The following ZFAND2A variants were observed in gnomAD, a reference collection of about 807,000 sequenced individuals.
ZFAND2A encodes the protein AN1-type zinc finger protein 2A.
ZFAND2A carries 20 observed loss-of-function variants against 11.6 expected under a neutral mutation model. The ratio of observed to expected loss-of-function variants is 1.72; its 90% CI spans 1.21 to 2.50. The LOEUF is 2.50. Among genes scored for constraint, ZFAND2A ranks in the 30% most tolerant of loss-of-function variants. The pLI, the probability that ZFAND2A is intolerant of heterozygous loss-of-function variation, is 0.00. For missense variants in ZFAND2A, 234 were observed against 182.9 expected (o/e 1.28, Z -1.61); for synonymous variants, 93 against 60.6 (o/e 1.54, Z -2.48).
At chr7:1,155,697 C>T (rs912464887) in intron 3 of ZFAND2A, 113 bp from the exon 4 acceptor site, 30 of 1,401,886 alleles carry the variant, frequency 2.1e-5, no homozygotes, top group East Asian at 1.3e-4. Context: ...GGACAAAAAC[C>T]GGTCTCCCGA....
rs369519807 is a variant in ZFAND2A, at chr7:1,153,239, T to G, written c.283-15A>C. On this transcript the variant is annotated splice_polypyrimidine_tract_variant and intron_variant, in intron 4 of 4. Coordinates refer to ENST00000316495, the MANE Select transcript of ZFAND2A (RefSeq NM_182491.4). ...TATGTAAAAATCTAAGAGAGCAAAG[T>G]GACTTCAACAAGCAATTCTTTTTTT... 1 of 1,606,576 alleles carries G rather than the reference T, an allele frequency of 6.2e-7. No homozygotes were observed.
chr7:1,155,660 T>C, intron 3 of ZFAND2A, 76 bp from the exon 4 acceptor site: 2 of 1,491,104 alleles, frequency 1.3e-6, no homozygotes, highest in South Asian at 2.5e-5. Flanking sequence ...CGAGTACTCC[T>C]GTGCGGCACA....
Position 1,153,205 on chromosome 7 carries a change from G to C in ZFAND2A, c.302C>G (p.Ser101Ter). ...CTCTTTCTTCTTGCAGCCCTCTTTT[G>C]AGCAACGGTATGTAAAAATCTAAGA... Reference protein sequence around the residue: ...KKEKIFTYRCSKEGCKKKEML... With the variant: ...KKEKIFTYRC The change falls in exon 5 of 5, where the codon TCA becomes TGA. Residue 101 changes from serine (S) to a stop codon, truncating the protein, a stop_gained. Coordinates refer to ENST00000316495, the MANE Select transcript of ZFAND2A (RefSeq NM_182491.4). LOFTEE classifies it low-confidence loss of function (END_TRUNC). 1 of 1,613,374 alleles carries C rather than the reference G, an allele frequency of 6.2e-7. No homozygotes were observed. The highest frequency in any genetic ancestry group is 1.1e-5 in the South Asian group (1 of 91,068).
chr7:1,158,284 G>A, intron 1 of ZFAND2A, 27 bp from the exon 2 acceptor site: 1 of 1,443,496 alleles, frequency 6.9e-7, no homozygotes, highest in South Asian at 1.2e-5. Flanking sequence ...ATAGTTAGGA[G>A]GAAAGCTGGA....
chr7:1,150,782 A>G (rs1344216527), downstream of ZFAND2A, among the ~76,000 whole-genome samples: 1 of 152,096 alleles, frequency 6.6e-6, no homozygotes, highest in Non-Finnish European at 1.5e-5. Context: ...TCATCACTGG[A>G]CAGAGCCATC....
intron 4 of ZFAND2A, among the ~76,000 whole-genome samples, chr7:1,154,508 G>A (rs1457159318): frequency 6.6e-6 from 1 of 152,232 alleles, no homozygotes; most frequent in Non-Finnish European, 1.5e-5. Context: ...TCATGTGGAA[G>A]AAGCGGGTGT....
intron 1 of ZFAND2A, among the ~76,000 whole-genome samples, chr7:1,158,826 CGA>C (rs1379619890): frequency 6.6e-6 from 1 of 152,202 alleles, no homozygotes; most frequent in South Asian, 2.1e-4. Flanking sequence ...CTACCGCACT[CGA>C]GAGAGAATCA....
rs1203369892 is a variant in ZFAND2A, at chr7:1,157,847, CTA to C, written c.56-99_56-98del. The C allele has an allele frequency of 5.0e-6, 5 of 997,876 alleles. No homozygotes were observed. The Admixed American group carries it at 1.0e-4, about 21-fold the overall frequency. The allele number at this position is 997,876 out of a possible 1,614,324, so 61.8% of individuals were successfully genotyped here. A position where few individuals can be genotyped will look rare whatever the true frequency, so the allele number is the denominator to read the frequency against. On this transcript the variant is annotated intron_variant, in intron 2 of 4. Transcript: ENST00000316495. ...TTTACCTACACTAAGTGTTTTAGGCCTATGAGATGGACAGGTCCTCGAGGGCC... is the reference window on the plus strand; with the variant it reads ...TTTACCTACACTAAGTGTTTTAGGCCTGAGATGGACAGGTCCTCGAGGGCC...
intron 3 of ZFAND2A, among the ~76,000 whole-genome samples, chr7:1,156,761 C>T (rs1453850898): frequency 1.3e-5 from 2 of 152,232 alleles, no homozygotes; most frequent in Non-Finnish European, 2.9e-5. Context: ...GGGAGAGTCA[C>T]AGGTGGTGGT....
downstream of ZFAND2A, among the ~76,000 whole-genome samples, chr7:1,150,028 T>A (rs1036671576): frequency 2.0e-5 from 3 of 152,008 alleles, no homozygotes; most frequent in Non-Finnish European, 4.4e-5. Context: ...AATTTTTGTA[T>A]TTTTAGTAGG....
chr7:1,151,870 AG>A (rs1255009648), downstream of ZFAND2A, among the ~76,000 whole-genome samples: 1 of 151,774 alleles, frequency 6.6e-6, no homozygotes, highest in African/African-American at 2.4e-5. Flanking sequence ...TGAAGGCGGA[AG>A]TTACCTAGAG....
At chr7:1,158,796 C>A (rs902458571) in intron 1 of ZFAND2A, among the ~76,000 whole-genome samples, 3 of 152,168 alleles carry the variant, frequency 2.0e-5, no homozygotes, top group Admixed American at 6.6e-5. Context: ...CTATGGAAAA[C>A]AGGCAGACAG....
At chr7:1,159,510 A>G (rs1793625771) in intron 1 of ZFAND2A, among the ~76,000 whole-genome samples, 1 of 133,638 alleles carries the variant, frequency 7.5e-6, no homozygotes, top group African/African-American at 2.9e-5. Context: ...CCCGGTCCCC[A>G]GCAGACAGCC....
downstream of ZFAND2A, among the ~76,000 whole-genome samples, chr7:1,150,816 T>C (rs1793383830): frequency 6.6e-6 from 1 of 152,110 alleles, no homozygotes; most frequent in Non-Finnish European, 1.5e-5. Context: ...ATTTTGCAAC[T>C]TTCTTGTTGG....
intron 4 of ZFAND2A, among the ~76,000 whole-genome samples, chr7:1,153,919 C>T (rs1009284092): frequency 2.0e-5 from 3 of 151,650 alleles, no homozygotes; most frequent in Non-Finnish European, 4.4e-5. Flanking sequence ...CCAGCCTGGG[C>T]GACAGAGCAA....
At chr7:1,155,327 G>A (rs935232940) in intron 4 of ZFAND2A, 126 bp downstream of exon 4, 27 of 1,382,880 alleles carry the variant, frequency 2.0e-5, no homozygotes, top group African/African-American at 7.3e-5. Context: ...ATAACGCAGC[G>A]TTAGGACTCT....
downstream of ZFAND2A, among the ~76,000 whole-genome samples, chr7:1,151,797 C>T (rs577198969): frequency 9.1e-4 from 104 of 114,766 alleles, no homozygotes; most frequent in African/African-American, 2.7e-3. Flanking sequence ...AGCATTGAAG[C>T]TGGGGATTCC....
chr7:1,159,621 G>A lies in ZFAND2A; in HGVS notation c.-46+343C>T, dbSNP rs13234355. Among the ~76,000 whole-genome samples the A allele has an allele frequency of 5.6e-3, 299 of 53,062 alleles. 71 individuals are homozygous for A. The highest frequency in any genetic ancestry group is 9.1e-3 in the Non-Finnish European group (223 of 24,484). 34.8% of individuals were successfully genotyped at this position (53,062 alleles called of 152,430 possible). On this transcript the variant is annotated intron_variant, in intron 1 of 4. Transcript: ENST00000316495. ...AGGCCCGGTCCCCAGCAGACAGGCC[G>A]GACCCCCAGCAGCCAGACCCCGGCA...
At chr7:1,150,212 G>A (rs140250991), downstream of ZFAND2A, among the ~76,000 whole-genome samples, 6 of 152,042 alleles carry the variant, frequency 3.9e-5, no homozygotes, top group East Asian at 9.6e-4. Flanking sequence ...ACATATACAC[G>A]GTCCGTCATC....
Sources: allele counts gnomAD v4.1 joint callset (sites outside exome capture counted in the v4.1 genomes callset), GRCh38; gene constraint gnomAD v4.1.1; transcripts MANE v1.5; gene names NCBI Gene and HGNC (gene_info 2026-07-23, HGNC 2026-07-21).